Variants in GRID2 observed in about 807,000 individuals in gnomAD.
The protein encoded by GRID2 is glutamate receptor ionotropic, delta-2.
GRID2 carries 33 observed loss-of-function variants against 114.8 expected under a neutral mutation model. The observed-to-expected ratio is 0.29, with a 90% CI of 0.22 to 0.38. The LOEUF (loss-of-function observed/expected upper bound fraction) is 0.38, where lower values mean the gene tolerates loss of function less well. Ranked by LOEUF, GRID2 falls within the 10% of genes least tolerant of loss-of-function variation. The pLI is 1.00. For missense variants in GRID2, 1,184 were observed against 1,257.7 expected, an observed-to-expected ratio of 0.94 and a Z score of 0.89; for synonymous variants, 505 against 449.9, an observed-to-expected ratio of 1.12 and a Z score of -1.55.
At chr4:92,350,340 G>T (rs767935183) in intron 1 of GRID2, among the ~76,000 whole-genome samples, 35 of 151,772 alleles carry the variant, frequency 2.3e-4, no homozygotes, top group Non-Finnish European at 2.7e-4. Flanking sequence ...CTTTATAAAA[G>T]AATTTAACTT....
At chr4:92,705,209 C>T (rs1000312942) in intron 2 of GRID2, among the ~76,000 whole-genome samples, 9 of 151,816 alleles carry the variant, frequency 5.9e-5, no homozygotes, top group African/African-American at 2.2e-4. Context: ...TATTCTAAAC[C>T]AAAAGAAAAA....
chr4:92,621,340 T>A (rs888587891), intron 2 of GRID2, among the ~76,000 whole-genome samples: 3 of 151,938 alleles, frequency 2.0e-5, no homozygotes, highest in Admixed American at 1.3e-4. Flanking sequence ...TTGTCAAAGA[T>A]AAACATATGA....
chr4:92,509,290 G>T (rs79142314), intron 1 of GRID2, among the ~76,000 whole-genome samples: 3 of 151,816 alleles, frequency 2.0e-5, no homozygotes, highest in Non-Finnish European at 2.9e-5. Flanking sequence ...TGAAGGCAGG[G>T]CTCTTGGCTT....
intron 1 of GRID2, 77 bp downstream of exon 1, chr4:92,304,821 C>G: frequency 9.7e-7 from 1 of 1,026,224 alleles, no homozygotes; most frequent in Non-Finnish European, 1.5e-6. Context: ...CTTTCCCCCT[C>G]TCCGGTCTCT....
chr4:92,684,507 G>C (rs2149287352), intron 2 of GRID2, among the ~76,000 whole-genome samples: 1 of 152,012 alleles, frequency 6.6e-6, no homozygotes, highest in East Asian at 1.9e-4. Context: ...TTCCTAACAA[G>C]AACATCATGT....
rs6816715 is a variant in GRID2, at chr4:93,078,503, A to G, written c.245-6492A>G. On this transcript the variant is annotated intron_variant, in intron 2 of 15. Transcript: ENST00000282020. The stretch of plus-strand genomic sequence containing the variant: ...CATTTTATATATATAATATACAGGT[A>G]TATATATGCACATATATATGTGTTC... Among the ~76,000 whole-genome samples the G allele has an allele frequency of 9.4e-3, 1,418 of 151,354 alleles. 11 individuals are homozygous for G. The highest frequency in any genetic ancestry group is 0.032 in the African/African-American group (1,342 of 41,394).
intron 14 of GRID2, among the ~76,000 whole-genome samples, chr4:93,652,751 C>G (rs1035115758): frequency 2.6e-5 from 3 of 113,578 alleles, no homozygotes; most frequent in African/African-American, 1.0e-4. Context: ...CAAATTAATA[C>G]AGTCGATGAA....
At chr4:92,474,410 A>T (rs981151437) in intron 1 of GRID2, among the ~76,000 whole-genome samples, 8 of 152,132 alleles carry the variant, frequency 5.3e-5, no homozygotes, top group African/African-American at 1.9e-4. Context: ...TTCATTATGC[A>T]TTTACCCACT....
intron 13 of GRID2, among the ~76,000 whole-genome samples, chr4:93,594,313 G>T (rs1000358137): frequency 9.2e-5 from 14 of 152,122 alleles, no homozygotes; most frequent in Non-Finnish European, 1.5e-4. Flanking sequence ...GTACCCTGCA[G>T]TGTGAGGTGT....
intron 8 of GRID2, among the ~76,000 whole-genome samples, chr4:93,266,914 C>T (rs893169202): frequency 1.6e-4 from 24 of 152,204 alleles, no homozygotes; most frequent in African/African-American, 5.1e-4. Flanking sequence ...GTACTCATCA[C>T]GTAATTTCTC....
chr4:92,323,376 T>C (rs548006579), intron 1 of GRID2, among the ~76,000 whole-genome samples: 1 of 152,242 alleles, frequency 6.6e-6, no homozygotes, highest in East Asian at 1.9e-4. Flanking sequence ...TACCATGTTA[T>C]CTAATTTATT....
At chr4:92,713,515 A>ATATATATATATATG (rs1735379540) in intron 2 of GRID2, among the ~76,000 whole-genome samples, 1 of 130,070 alleles carries the variant, frequency 7.7e-6, no homozygotes, top group African/African-American at 2.9e-5. Context: ...ATATATATAT[A>ATATATATATATATG]TATTACCAAA....
intron 1 of GRID2, among the ~76,000 whole-genome samples, chr4:92,559,088 A>G (rs1726997536): frequency 6.6e-6 from 1 of 152,210 alleles, no homozygotes; most frequent in African/African-American, 2.4e-5. Context: ...ATTTATGCCA[A>G]TGCCTATAAC....
intron 2 of GRID2, among the ~76,000 whole-genome samples, chr4:92,591,693 A>G (rs1728712801): frequency 6.6e-6 from 1 of 152,126 alleles, no homozygotes; most frequent in African/African-American, 2.4e-5. Flanking sequence ...AATCAATAGC[A>G]CTGGCTACTG....
intron 2 of GRID2, among the ~76,000 whole-genome samples, chr4:92,663,308 A>T (rs187922133): frequency 6.6e-6 from 1 of 151,304 alleles, no homozygotes; most frequent in East Asian, 1.9e-4. Flanking sequence ...GAAAAATAAA[A>T]TGGGCTTCAA....
At chr4:92,994,481 T>G (rs1331734035) in intron 2 of GRID2, among the ~76,000 whole-genome samples, 1 of 151,826 alleles carries the variant, frequency 6.6e-6, no homozygotes, top group East Asian at 1.9e-4. Flanking sequence ...GCCTCCCAAG[T>G]AGGGGAATTT....
At chr4:92,503,468 G>A (rs969803645) in intron 1 of GRID2, among the ~76,000 whole-genome samples, 19 of 152,106 alleles carry the variant, frequency 1.2e-4, no homozygotes, top group East Asian at 5.8e-4. Context: ...TGTCATTTCC[G>A]TTTTTTATGA....
At chr4:93,710,857 C>G (rs1474769181) in intron 14 of GRID2, among the ~76,000 whole-genome samples, 1 of 152,038 alleles carries the variant, frequency 6.6e-6, no homozygotes, top group Non-Finnish European at 1.5e-5. Context: ...CTCCCCATGG[C>G]CACCACTGCC....
chr4:92,906,568 C>A (rs1003223260), intron 2 of GRID2, among the ~76,000 whole-genome samples: 5 of 152,052 alleles, frequency 3.3e-5, no homozygotes, highest in Admixed American at 3.3e-4. Context: ...TACAAGGGAA[C>A]CCAGCCCTTT....
Sources: gnomAD v4.1 joint callset for allele counts (sites outside exome capture counted in the v4.1 genomes callset) on GRCh38, gnomAD v4.1.1 for gene constraint, MANE v1.5 for transcripts, NCBI Gene and HGNC (gene_info 2026-07-23, HGNC 2026-07-21) for gene names.